ZHX3: variants seen among roughly 807,000 people sequenced by gnomAD.
ZHX3 encodes zinc fingers and homeoboxes 3, also known as zinc fingers and homeoboxes protein 3.
In ZHX3, 20 loss-of-function variants were observed where a neutral mutation model predicts 64.5. The ratio of observed to expected loss-of-function variants is 0.31; its 90% CI spans 0.22 to 0.45. The LOEUF (loss-of-function observed/expected upper bound fraction) is 0.45, where lower values mean the gene tolerates loss of function less well. ZHX3 is among the 20% of genes least tolerant of loss of function. The pLI is 1.00. For missense variants in ZHX3, 1,041 were observed against 1,195.8 expected (o/e 0.87, Z 1.91); for synonymous variants, 423 against 461.6 (o/e 0.92, Z 1.07).
rs2036461153 is a variant in ZHX3 at position 41,185,691 on chromosome 20, G to T, written c.2861-490C>A. On this transcript the variant is annotated intron_variant, in intron 3 of 3. Transcript: ENST00000683867. The surrounding 1 kb of genome is among the most constrained non-coding windows in gnomAD (Gnocchi z 5.0). ...ACCCTAACATCAAAGTCAAAGTAAG[G>T]CTGATATCAGAGAGGTTCATCATCT... 6.1e-6 allele frequency: 1 copy of T among 163,826 alleles called. No homozygotes were observed. The highest frequency in any genetic ancestry group is 2.4e-5 in the African/African-American group (1 of 41,832). The allele number at this position is 163,826 out of a possible 1,614,324, so 10.1% of individuals were successfully genotyped here.
chr20:41,233,771 T>G (rs772284345), intron 2 of ZHX3, among the ~76,000 whole-genome samples: 4 of 152,176 alleles, frequency 2.6e-5, no homozygotes, highest in Non-Finnish European at 4.4e-5. Flanking sequence ...GCAGGACTTA[T>G]GCTAAAAACA....
intron 2 of ZHX3, among the ~76,000 whole-genome samples, chr20:41,233,678 A>C (rs999995894): frequency 6.6e-6 from 1 of 152,238 alleles, no homozygotes; most frequent in Non-Finnish European, 1.5e-5. Flanking sequence ...AAGGCTCTAC[A>C]TGCCAAGAAC....
rs2038143952 is a variant in ZHX3, at chr20:41,200,665, G to C, written c.2860+1392C>G. On this transcript the variant is annotated intron_variant, in intron 3 of 3. Coordinates refer to ENST00000683867, the MANE Select transcript of ZHX3 (RefSeq NM_001384317.1). The surrounding 1 kb of genome is among the most constrained non-coding windows in gnomAD (Gnocchi z 4.2). ...CCCTAAGTGCTGACCAGGGCTTTGG[G>C]CTCCACCAGGTGTTTGCTCTCACTG... Among the ~76,000 whole-genome samples the C allele has an allele frequency of 6.6e-6, 1 of 152,154 alleles. No individual in the cohort carries two copies. The highest frequency in any genetic ancestry group is 1.5e-5 in the Non-Finnish European group (1 of 68,028).
chr20:41,316,524 G>A (rs921437351), intron 1 of ZHX3, among the ~76,000 whole-genome samples: 1 of 152,210 alleles, frequency 6.6e-6, no homozygotes, highest in Non-Finnish European at 1.5e-5. Flanking sequence ...GGAAACTACT[G>A]TAATCCTTTT....
chr20:41,311,743 TA>T (rs1173142226), intron 1 of ZHX3, among the ~76,000 whole-genome samples: 3 of 152,168 alleles, frequency 2.0e-5, no homozygotes, highest in African/African-American at 7.2e-5. Context: ...TTTTCTCAAC[TA>T]AAAAAACAGA....
At chr20:41,186,038 T>A (rs2036490951) in intron 3 of ZHX3, among the ~76,000 whole-genome samples, 2 of 152,262 alleles carry the variant, frequency 1.3e-5, no homozygotes, top group South Asian at 4.1e-4. Context: ...ACGACAATTT[T>A]AAGTGTACAA....
chr20:41,249,704 G>A (rs142835543), intron 2 of ZHX3, among the ~76,000 whole-genome samples: 7 of 152,282 alleles, frequency 4.6e-5, no homozygotes, highest in East Asian at 3.9e-4. Context: ...CCCTGTCACC[G>A]TTCAGACAAG....
intron 2 of ZHX3, among the ~76,000 whole-genome samples, chr20:41,265,599 C>T (rs1943343839): frequency 6.6e-6 from 1 of 152,040 alleles, no homozygotes; most frequent in South Asian, 2.1e-4. Flanking sequence ...ATTCATTGTG[C>T]AGCTTTTTAA....
intron 1 of ZHX3, chr20:41,272,261 A>G (rs1208754408): frequency 1.3e-5 from 2 of 152,236 alleles, no homozygotes; most frequent in Non-Finnish European, 2.9e-5. Context: ...GAACTTCCCA[A>G]TGTACAAAGC....
In ZHX3 at chr20:41,288,792, C is replaced by A. The variant is rs530191881; in HGVS notation, c.-244-19709G>T. ...AGAGGTGTTGGAAAATAGCTGCAGG[C>A]ATTTTCATACTATAAGGGTGGGTAT... On this transcript the variant is annotated intron_variant, in intron 1 of 3. Coordinates refer to ENST00000683867, the MANE Select transcript of ZHX3 (RefSeq NM_001384317.1). Among the ~76,000 whole-genome samples the A allele has an allele frequency of 9.9e-5, 15 of 152,246 alleles. No homozygotes were observed. The South Asian group carries it at 3.1e-3, about 32-fold the overall frequency.
In ZHX3 at chr20:41,205,040, G is replaced by A; in HGVS notation, c.-124C>T. The A allele has an allele frequency of 7.3e-7, 1 of 1,362,312 alleles. No individual in the cohort carries two copies. The highest frequency in any genetic ancestry group is 2.7e-5 in the East Asian group (1 of 36,916). The allele number at this position is 1,362,312 out of a possible 1,614,324, so 84.4% of individuals were successfully genotyped here. On this transcript the variant is annotated 5_prime_UTR_variant, in exon 3 of 4. Coordinates refer to ENST00000683867, the MANE Select transcript of ZHX3 (RefSeq NM_001384317.1). ...CTAAATGCAGCTTTTTCAGTTGTTT[G>A]CAGAAAGCAGGTTTTCCCTATTCAA...
At chr20:41,259,765 A>G (rs1339131205) in intron 2 of ZHX3, among the ~76,000 whole-genome samples, 1 of 152,184 alleles carries the variant, frequency 6.6e-6, no homozygotes, top group African/African-American at 2.4e-5. Context: ...CCCAACATCA[A>G]TGACTCTGGG....
At chr20:41,299,871 C>CAAAAAAAAA (rs558506519) in intron 1 of ZHX3, 2 of 54,998 alleles carry the variant, frequency 3.6e-5, no homozygotes, top group Non-Finnish European at 7.1e-5. Context: ...GACTCGGTCT[C>CAAAAAAAAA]AAAAAAAAAA....
At chr20:41,297,914 G>A (rs751678013) in intron 1 of ZHX3, among the ~76,000 whole-genome samples, 7 of 152,182 alleles carry the variant, frequency 4.6e-5, no homozygotes, top group Admixed American at 1.3e-4. Context: ...ACAAGGTCTA[G>A]AGTGGCCCTA....
At chr20:41,235,550 G>A (rs1366162492) in intron 2 of ZHX3, among the ~76,000 whole-genome samples, 2 of 152,072 alleles carry the variant, frequency 1.3e-5, no homozygotes, top group East Asian at 1.9e-4. Flanking sequence ...ATGCAGAAAA[G>A]GCCTTTGACA....
Position 41,203,011 on chromosome 20 carries a change from G to C in ZHX3, c.1906C>G (p.Leu636Val). 1 of 1,614,168 alleles carries C rather than the reference G, an allele frequency of 6.2e-7. No individual in the cohort carries two copies. The highest frequency in any genetic ancestry group is 8.5e-7 in the Non-Finnish European group (1 of 1,180,024). Residue 636 changes from leucine (L) to valine (V), a missense_variant, in exon 3 of 4, where the codon CTT (leucine) becomes GTT (valine). Around this residue, in one of 4 missense-constraint regions of ZHX3, gnomAD observed 649 missense variants for 739.8 expected, o/e 0.88. Transcript: ENST00000683867. This position sits in a 1 kb window ranked among gnomAD's most constrained non-coding sequence, Gnocchi z 7.1. The part of the protein sequence containing the change: ...ALESSFAQNP[L>V]PLDEELDRLR... ...CGGTCCAGTTCCTCATCAAGAGGAA[G>C]AGGGTTTTGTGCAAAACTGCTCTCC...
intron 2 of ZHX3, among the ~76,000 whole-genome samples, chr20:41,220,939 T>C (rs2039902774): frequency 6.6e-6 from 1 of 152,098 alleles, no homozygotes. Flanking sequence ...CCCACCCGCC[T>C]TAGCCTCCCA....
At chr20:41,207,006 AAAG>A (rs2038769118) in intron 2 of ZHX3, among the ~76,000 whole-genome samples, 1 of 152,208 alleles carries the variant, frequency 6.6e-6, no homozygotes, top group Non-Finnish European at 1.5e-5. Context: ...CAACATTCTT[AAAG>A]AAAAGAACTT....
chr20:41,233,873 A>C (rs2040787020), intron 2 of ZHX3, among the ~76,000 whole-genome samples: 1 of 152,202 alleles, frequency 6.6e-6, no homozygotes, highest in East Asian at 1.9e-4. Flanking sequence ...TCACCTTTTG[A>C]AGAATGGAGC....
Sources: gnomAD v4.1 joint callset for allele counts (sites outside exome capture counted in the v4.1 genomes callset) on GRCh38, gnomAD v4.1.1 for gene constraint, gnomAD v4.1.1 regional missense constraint, Gnocchi (gnomAD v3.1) non-coding constraint, MANE v1.5 for transcripts, NCBI Gene and HGNC (gene_info 2026-07-23, HGNC 2026-07-21) for gene names.